NAA35: variants seen among roughly 807,000 people sequenced by gnomAD.
NAA35 encodes N-alpha-acetyltransferase 35, NatC auxiliary subunit.
In NAA35, 18 loss-of-function variants were observed where a neutral mutation model predicts 101.7. The observed-to-expected ratio is 0.18, with a 90% CI of 0.12 to 0.26. NAA35 has a LOEUF of 0.26. Among genes scored for constraint, NAA35 ranks in the 10% least tolerant of loss-of-function variants. NAA35 has a pLI of 1.00. For synonymous variants in NAA35, 267 were observed against 273.1 expected, an observed-to-expected ratio of 0.98 and a Z score of 0.22; for missense variants, 601 against 886.8, an observed-to-expected ratio of 0.68 and a Z score of 4.09.
At chr9:85,950,261 T>A (rs555480697) in intron 2 of NAA35, among the ~76,000 whole-genome samples, 1 of 152,324 alleles carries the variant, frequency 6.6e-6, no homozygotes, top group African/African-American at 2.4e-5. Flanking sequence ...TTCTTTTTTT[T>A]AGATGTGGAG....
At chr9:85,950,580 T>C (rs1428637108) in intron 2 of NAA35, among the ~76,000 whole-genome samples, 1 of 152,116 alleles carries the variant, frequency 6.6e-6, no homozygotes, top group Non-Finnish European at 1.5e-5. Flanking sequence ...AGTCATCTAG[T>C]CTAACCTTTC....
At position 86,018,250 on chromosome 9, in the gene NAA35, T is replaced by A. The variant is rs372286280; in HGVS notation, c.1774-5T>A. 27 of 1,607,244 alleles carry A rather than the reference T, an allele frequency of 1.7e-5. No individual in the cohort carries two copies. In the Middle Eastern group the frequency reaches 5.0e-4, roughly 30 times the overall value. On this transcript the variant is annotated splice_region_variant and splice_polypyrimidine_tract_variant and intron_variant, in intron 19 of 22. Coordinates refer to ENST00000361671, the MANE Select transcript of NAA35 (RefSeq NM_024635.4). The stretch of plus-strand genomic sequence containing the variant: ...ATCTTTTTTCTTATTCCCTTTTTCA[T>A]TTAGACCATGGTAGCATTTGACATG...
intron 12 of NAA35, among the ~76,000 whole-genome samples, chr9:85,997,038 C>A (rs541066952): frequency 3.9e-5 from 6 of 152,042 alleles, no homozygotes; most frequent in African/African-American, 1.4e-4. Flanking sequence ...GCAGCCTGGA[C>A]CTTCTCGGCT....
rs1366623738 is a variant in NAA35 at position 85,951,122 on chromosome 9, A to T, written c.125-5238A>T. Among the ~76,000 whole-genome samples the T allele has an allele frequency of 3.3e-5, 5 of 151,002 alleles. No homozygotes were observed. In the East Asian group the frequency reaches 9.7e-4, roughly 29 times the overall value. On this transcript the variant is annotated intron_variant, in intron 2 of 22. Transcript: ENST00000361671. ...CACTGCACTCCAGCCGGGGCGACAG[A>T]GTGAGACTCCATCTCAAAAAAAAAA...
In NAA35 at chr9:85,962,017, C is replaced by T. The variant is rs144270495; in HGVS notation, c.353C>T (p.Thr118Met). The T allele has an allele frequency of 1.1e-5, 18 of 1,601,026 alleles. No individual in the cohort carries two copies. Among genetic ancestry groups the T allele is most frequent in the Non-Finnish European group, 1.4e-5 (17 of 1,175,872 alleles). The change falls in exon 6 of 23, where the codon ACG (threonine) becomes ATG (methionine). Residue 118 changes from threonine to methionine, a missense_variant. This residue lies in a region of NAA35 where 86 missense variants were observed against 169.4 expected (regional missense o/e 0.51). Transcript: ENST00000361671. ...TACTCTTTTGTTTCTTTATAGATAA[C>T]GTGGTTAGAAGGCCATTCACTGGCA... ...IMDTCFCCLI[T>M]WLEGHSLAQT...
chr9:86,024,168 G>A lies in NAA35; in HGVS notation c.*2208G>A, dbSNP rs1304634630. Reference sequence around the variant, plus strand: ...AAGCAACAGGTATTGAAAATGCAGTGAAGAATATGCTGTATGCTGGGTAGG... The same window carrying A: ...AAGCAACAGGTATTGAAAATGCAGTAAAGAATATGCTGTATGCTGGGTAGG... On this transcript the variant is annotated 3_prime_UTR_variant, in exon 23 of 23. Transcript: ENST00000361671. 6.6e-6 allele frequency among the ~76,000 whole-genome samples: 1 copy of A among 152,208 alleles called. No homozygotes were observed. The highest frequency in any genetic ancestry group is 2.4e-5 in the African/African-American group (1 of 41,446).
intron 19 of NAA35, 76 bp from the exon 20 acceptor site, chr9:86,018,179 C>T: frequency 3.7e-6 from 5 of 1,335,350 alleles, no homozygotes; most frequent in Non-Finnish European, 4.1e-6. Flanking sequence ...TGTTTCTTGT[C>T]TTCCATTCTG....
intron 2 of NAA35, among the ~76,000 whole-genome samples, chr9:85,945,716 T>A (rs948569471): frequency 2.0e-5 from 3 of 152,150 alleles, no homozygotes; most frequent in African/African-American, 7.2e-5. Flanking sequence ...AGACGGGGTT[T>A]CACCGTGTTA....
At chr9:85,979,082 T>C (rs1830331043) in intron 11 of NAA35, among the ~76,000 whole-genome samples, 1 of 152,174 alleles carries the variant, frequency 6.6e-6, no homozygotes, top group African/African-American at 2.4e-5. Context: ...AAATGATTGT[T>C]CCCCAGTGCT....
intron 21 of NAA35, among the ~76,000 whole-genome samples, chr9:86,020,256 G>A (rs1324643671): frequency 6.6e-6 from 1 of 151,984 alleles, no homozygotes; most frequent in African/African-American, 2.4e-5. Context: ...AAAATATAAA[G>A]GGGGAGTCTA....
chr9:86,020,525 A>G (rs988449952), intron 21 of NAA35, among the ~76,000 whole-genome samples: 1 of 152,190 alleles, frequency 6.6e-6, no homozygotes, highest in African/African-American at 2.4e-5. Context: ...CTTCCATTAT[A>G]CAAAGTTTCT....
chr9:86,018,485 AAC>A (rs765736239), intron 20 of NAA35, 90 bp downstream of exon 20: 18 of 1,425,278 alleles, frequency 1.3e-5, no homozygotes, highest in Admixed American at 2.4e-5. Flanking sequence ...TTGTTACATT[AAC>A]AGTTATTTAA....
rs1438430988 is a variant in NAA35 at position 86,024,592 on chromosome 9, A to G, written c.*2632A>G. 2.0e-5 allele frequency among the ~76,000 whole-genome samples: 3 copies of G among 152,174 alleles called. No individual in the cohort carries two copies. The highest frequency in any genetic ancestry group is 4.4e-5 in the Non-Finnish European group (3 of 68,032). On this transcript the variant is annotated 3_prime_UTR_variant, in exon 23 of 23. Coordinates refer to ENST00000361671, the MANE Select transcript of NAA35 (RefSeq NM_024635.4). ...AGGTGGAAGAAAGTGGATGAAATCA[A>G]ATGTTTTCAGAGGTACAGCTAATGG...
In NAA35 at chr9:85,958,792, A is replaced by T. The variant is rs559084317; in HGVS notation, c.273+206A>T. Among the ~76,000 whole-genome samples, 4 of 152,312 alleles carry T rather than the reference A, an allele frequency of 2.6e-5. No individual in the cohort carries two copies. The South Asian group carries it at 8.3e-4, about 32-fold the overall frequency. On this transcript the variant is annotated intron_variant, in intron 4 of 22. Coordinates refer to ENST00000361671, the MANE Select transcript of NAA35 (RefSeq NM_024635.4). ...TTAAAATCTTGCTCTAAATTTGTGC[A>T]TTTGTGTACTTTTAAATTTAATTTT... is the stretch of plus-strand genomic sequence containing the variant.
At chr9:85,990,633 T>C (rs1830861130) in intron 11 of NAA35, among the ~76,000 whole-genome samples, 1 of 152,188 alleles carries the variant, frequency 6.6e-6, no homozygotes, top group Middle Eastern at 3.2e-3. Context: ...ATAACAAAAC[T>C]CAGTTCTGAT....
chr9:85,973,462 A>G (rs1228587637), intron 6 of NAA35, among the ~76,000 whole-genome samples: 2 of 152,182 alleles, frequency 1.3e-5, no homozygotes, highest in South Asian at 4.1e-4. Context: ...AACTAGAGAG[A>G]GCTGTGAAAG....
At chr9:85,978,480 C>T (rs1446914584) in intron 11 of NAA35, 99 bp downstream of exon 11, 1 of 744,224 alleles carries the variant, frequency 1.3e-6, no homozygotes, top group Non-Finnish European at 2.3e-6. Context: ...CAGTCTTGTA[C>T]CTTGGGATGT....
chr9:86,025,222 G>A lies in NAA35; in HGVS notation c.*3262G>A, dbSNP rs1013183040. 6.6e-6 allele frequency among the ~76,000 whole-genome samples: 1 copy of A among 152,154 alleles called. No homozygotes were observed. Among genetic ancestry groups the A allele is most frequent in the African/African-American group, 2.4e-5 (1 of 41,436 alleles). ...CTTATCAGGAAAATAAGCAGAATGA[G>A]GGCCATATGCCGCTCAGAGGCCATT... is the stretch of plus-strand genomic sequence containing the variant. On this transcript the variant is annotated 3_prime_UTR_variant, in exon 23 of 23. Transcript: ENST00000361671.
At chr9:86,005,746 T>C (rs959558879) in intron 13 of NAA35, among the ~76,000 whole-genome samples, 6 of 152,070 alleles carry the variant, frequency 3.9e-5, no homozygotes, top group Non-Finnish European at 7.4e-5. Context: ...ATGAAATACA[T>C]AGGTGCAAAT....
Sources: gnomAD v4.1 joint callset for allele counts (sites outside exome capture counted in the v4.1 genomes callset) on GRCh38, gnomAD v4.1.1 for gene constraint, gnomAD v4.1.1 regional missense constraint, MANE v1.5 for transcripts, NCBI Gene and HGNC (gene_info 2026-07-23, HGNC 2026-07-21) for gene names.